The following LRMDA variants were observed in gnomAD, a reference collection of about 807,000 sequenced individuals.
LRMDA encodes leucine-rich melanocyte differentiation-associated protein.
A neutral mutation model predicts 29.8 loss-of-function variants in LRMDA; 18 were observed. The observed-to-expected ratio is 0.60, with a 90% CI of 0.42 to 0.90. The LOEUF (loss-of-function observed/expected upper bound fraction) is 0.90, where lower values mean the gene tolerates loss of function less well. Ranked by LOEUF, LRMDA falls within the 40% of genes least tolerant of loss-of-function variation. The pLI is 0.00. For missense variants in LRMDA, 273 were observed against 273.9 expected (o/e 1.00, Z 0.02); for synonymous variants, 125 against 109.4 (o/e 1.14, Z -0.89).
chr10:76,033,115 A>G (rs574155689), intron 2 of LRMDA, among the ~76,000 whole-genome samples: 1 of 152,048 alleles, frequency 6.6e-6, no homozygotes, highest in Non-Finnish European at 1.5e-5. Context: ...GTGTATGTGT[A>G]TTGTCGTCCA....
At chr10:76,376,702 C>G (rs963495388) in intron 6 of LRMDA, among the ~76,000 whole-genome samples, 3 of 151,948 alleles carry the variant, frequency 2.0e-5, no homozygotes, top group African/African-American at 7.2e-5. Context: ...CATTCACATT[C>G]CTGTTTCTCC....
At chr10:75,988,526 C>G (rs1399527922) in intron 2 of LRMDA, among the ~76,000 whole-genome samples, 1 of 151,988 alleles carries the variant, frequency 6.6e-6, no homozygotes, top group East Asian at 1.9e-4. Context: ...CACCCCCACC[C>G]CCAGCTCTCT....
At chr10:76,281,579 C>A (rs1364232915) in intron 5 of LRMDA, among the ~76,000 whole-genome samples, 1 of 152,176 alleles carries the variant, frequency 6.6e-6, no homozygotes, top group African/African-American at 2.4e-5. Context: ...CCAACCCCCC[C>A]ATCATCCATG....
At chr10:76,427,377 A>C (rs1447535895) in intron 6 of LRMDA, among the ~76,000 whole-genome samples, 1 of 151,920 alleles carries the variant, frequency 6.6e-6, no homozygotes, top group Non-Finnish European at 1.5e-5. Flanking sequence ...TGTGAATGGG[A>C]GTTCACTCAT....
At chr10:76,325,967 A>G (rs1245880573) in intron 6 of LRMDA, among the ~76,000 whole-genome samples, 2 of 152,248 alleles carry the variant, frequency 1.3e-5, no homozygotes, top group Non-Finnish European at 2.9e-5. Flanking sequence ...TAGAGTTCAA[A>G]TAAGTGCTCT....
At chr10:75,506,617 G>C (rs981136711) in intron 2 of LRMDA, among the ~76,000 whole-genome samples, 11 of 152,316 alleles carry the variant, frequency 7.2e-5, no homozygotes, top group African/African-American at 2.4e-4. Context: ...CCCCAATTGG[G>C]TTGGTTGTAG....
At chr10:76,075,769 C>T (rs1192394357) in intron 5 of LRMDA, among the ~76,000 whole-genome samples, 1 of 152,110 alleles carries the variant, frequency 6.6e-6, no homozygotes, top group Non-Finnish European at 1.5e-5. Context: ...GGATGGTGCA[C>T]AGTCCCTCAG....
chr10:75,701,671 C>T (rs533656436), intron 2 of LRMDA, among the ~76,000 whole-genome samples: 1 of 152,292 alleles, frequency 6.6e-6, no homozygotes, highest in South Asian at 2.1e-4. Context: ...GAGCAGACCC[C>T]CACTAGCTGA....
At chr10:75,489,226 TAAA>T (rs33952475) in intron 2 of LRMDA, among the ~76,000 whole-genome samples, 42 of 132,072 alleles carry the variant, frequency 3.2e-4, no homozygotes, top group Non-Finnish European at 1.6e-4. Flanking sequence ...GGATTTTTAG[TAAA>T]AAAAAAAAAA....
chr10:75,708,235 A>C (rs1040082216), intron 2 of LRMDA, among the ~76,000 whole-genome samples: 2 of 152,216 alleles, frequency 1.3e-5, no homozygotes, highest in African/African-American at 4.8e-5. Context: ...TCCACCACGC[A>C]GGATGAATAC....
intron 2 of LRMDA, among the ~76,000 whole-genome samples, chr10:75,902,641 C>A (rs1845694648): frequency 6.6e-6 from 1 of 152,226 alleles, no homozygotes; most frequent in South Asian, 2.1e-4. Context: ...TCTCTCCCTT[C>A]AGGGATCTCA....
intron 5 of LRMDA, among the ~76,000 whole-genome samples, chr10:76,291,912 GCACACACACACACACACGTGCACA>G (rs1435362011): frequency 0.014 from 1,880 of 134,948 alleles, 34 homozygotes; most frequent in African/African-American, 0.052. Context: ...ACCCACACGT[GCACACACACACACACACGTGCACA>G]CACACACACA....
At chr10:76,426,808 G>C (rs1397590180) in intron 6 of LRMDA, among the ~76,000 whole-genome samples, 5 of 152,304 alleles carry the variant, frequency 3.3e-5, no homozygotes, top group African/African-American at 1.2e-4. Flanking sequence ...TCTAGTTTCA[G>C]CTTTCTACAT....
chr10:76,152,165 C>T (rs1159337666), intron 5 of LRMDA, among the ~76,000 whole-genome samples: 1 of 152,196 alleles, frequency 6.6e-6, no homozygotes, highest in Non-Finnish European at 1.5e-5. Context: ...ACCATTTATA[C>T]TTACTCCCAA....
At position 75,622,994 on chromosome 10, in the gene LRMDA, G is replaced by A. The variant is rs140150477; in HGVS notation, c.131+184500G>A. 6.6e-3 allele frequency among the ~76,000 whole-genome samples: 1,001 copies of A among 152,176 alleles called. 45 individuals are homozygous for A. Among genetic ancestry groups the A allele is most frequent in the Admixed American group, 0.044 (666 of 15,280 alleles). ...CAGTACCCATAATATTAATTAAGCCGTAATTTTACCAACAATGCTTTAATT... is the reference window on the plus strand; with the variant it reads ...CAGTACCCATAATATTAATTAAGCCATAATTTTACCAACAATGCTTTAATT... On this transcript the variant is annotated intron_variant, in intron 2 of 6. Transcript: ENST00000611255.
chr10:75,691,207 CACAT>C (rs896415981), intron 2 of LRMDA, among the ~76,000 whole-genome samples: 19 of 137,144 alleles, frequency 1.4e-4, no homozygotes, highest in Non-Finnish European at 2.7e-4. Context: ...TACACACACA[CACAT>C]ATATATATAC....
At chr10:76,211,675 T>C (rs780421123) in intron 5 of LRMDA, among the ~76,000 whole-genome samples, 1 of 152,164 alleles carries the variant, frequency 6.6e-6, no homozygotes, top group Non-Finnish European at 1.5e-5. Context: ...GAATCATCAG[T>C]TGTTGGGAGT....
chr10:76,141,539 C>G (rs535316620), intron 5 of LRMDA, among the ~76,000 whole-genome samples: 1 of 152,116 alleles, frequency 6.6e-6, no homozygotes, highest in African/African-American at 2.4e-5. Context: ...AGGTTAAGTA[C>G]TCCCACCTGA....
intron 3 of LRMDA, among the ~76,000 whole-genome samples, chr10:76,039,645 G>T (rs1848309452): frequency 6.6e-6 from 1 of 152,132 alleles, no homozygotes; most frequent in Non-Finnish European, 1.5e-5. Context: ...AGAACAACAG[G>T]CTCTGAAGGC....
Sources: allele counts gnomAD v4.1 joint callset (sites outside exome capture counted in the v4.1 genomes callset), GRCh38; gene constraint gnomAD v4.1.1; transcripts MANE v1.5; gene names NCBI Gene and HGNC (gene_info 2026-07-23, HGNC 2026-07-21).